The following TDRD15 variants were observed in gnomAD, a reference collection of about 807,000 sequenced individuals.
TDRD15 encodes tudor domain-containing protein 15.
For synonymous variants in TDRD15, 503 were observed against 314.5 expected (o/e 1.60, Z -6.34); for missense variants, 1,416 against 904.7 (o/e 1.57, Z -7.25).
At chr2:21,136,240 T>G (rs1190311833) in intron 3 of TDRD15, among the ~76,000 whole-genome samples, 1 of 152,006 alleles carries the variant, frequency 6.6e-6, no homozygotes, top group Non-Finnish European at 1.5e-5. Flanking sequence ...AATGAAAACA[T>G]TTAGACTTTG....
rs1200000159 is a variant in TDRD15, at chr2:21,139,274, C to A, written c.1807C>A (p.Pro603Thr). Residue 603 changes from proline to threonine, a missense_variant, in exon 4 of 4, where the codon CCT becomes ACT. Pro to Thr is a conservative substitution (Grantham distance 38, BLOSUM62 -1). Coordinates refer to ENST00000405799, the MANE Select transcript of TDRD15 (RefSeq NM_001306137.2). ...GTGCTGTTCACTTGCACATATATTT[C>A]CTGTTGAAGATTTATGGACTAAGGC... ...AMCCSLAHIF[P>T]VEDLWTKAAI... 1 of 714,096 alleles carries A rather than the reference C, an allele frequency of 1.4e-6. No individual in the cohort carries two copies. The highest frequency in any genetic ancestry group is 2.0e-5 in the Admixed American group (1 of 49,560). 44.2% of individuals were successfully genotyped at this position (714,096 alleles called of 1,614,324 possible).
At position 21,138,770 on chromosome 2, in the gene TDRD15, A is replaced by T. The variant is rs1335304996; in HGVS notation, c.1303A>T (p.Ser435Cys). The change falls in exon 4 of 4, where the codon AGT (serine) becomes TGT (cysteine). Residue 435 changes from serine to cysteine, a missense_variant. Ser to Cys is a moderately radical substitution (Grantham distance 112, BLOSUM62 -1). Transcript: ENST00000405799. ...MSDSKISNIL[S>C]ETSVSDVNSF... ...TGATTCAAAAATCTCCAATATCTTG[A>T]GTGAGACAAGTGTGTCTGATGTAAA... 5.6e-6 allele frequency: 4 copies of T among 715,340 alleles called. No homozygotes were observed. Among genetic ancestry groups the T allele is most frequent in the Non-Finnish European group, 1.0e-5 (4 of 383,942 alleles). 44.3% of individuals were successfully genotyped at this position (715,340 alleles called of 1,614,324 possible).
Position 21,139,400 on chromosome 2 carries a change from G to A in TDRD15, c.1933G>A (p.Glu645Lys). The A allele has an allele frequency of 1.4e-6, 1 of 712,044 alleles. No individual in the cohort carries two copies. 44.1% of individuals were successfully genotyped at this position (712,044 alleles called of 1,614,324 possible). The change falls in exon 4 of 4, where the codon GAA becomes AAA. Residue 645 changes from glutamate to lysine, a missense_variant. Transcript: ENST00000405799. ...GTACACTGTAAATATTCAAAGTGTT[G>A]AAGCCTCAGAAAATATTGATGTTAT... ...DKYTVNIQSV[E>K]ASENIDVISL... is the part of the protein sequence containing the mutation.
chr2:21,134,674 A>C (rs1416912362), intron 2 of TDRD15, 88 bp from the exon 3 acceptor site: 1 of 151,998 alleles, frequency 6.6e-6, no homozygotes, highest in African/African-American at 2.4e-5. Flanking sequence ...TTTTTGCAAA[A>C]AAATCTTTTG....
At chr2:21,132,335 A>G (rs1665735509) in intron 2 of TDRD15, among the ~76,000 whole-genome samples, 1 of 151,864 alleles carries the variant, frequency 6.6e-6, no homozygotes, top group Admixed American at 6.6e-5. Flanking sequence ...CTCTCTTAGC[A>G]TATTGTATCT....
rs1269665495 is a variant in TDRD15, at chr2:21,139,814, A to G, written c.2347A>G (p.Lys783Glu). The change falls in exon 4 of 4, where the codon AAA becomes GAA. Residue 783 changes from lysine (K) to glutamate (E), a missense_variant. Coordinates refer to ENST00000405799, the MANE Select transcript of TDRD15 (RefSeq NM_001306137.2). ...CQLQCKSEDLKLLMEQIQNYY... is the reference protein window; with the variant it reads ...CQLQCKSEDLELLMEQIQNYY... ...GCTCCAATGTAAGTCAGAAGACCTA[A>G]AATTACTAATGGAGCAAATTCAGAA... is the stretch of plus-strand genomic sequence containing the variant. 4 of 715,370 alleles carry G rather than the reference A, an allele frequency of 5.6e-6. No individual in the cohort carries two copies. The highest frequency in any genetic ancestry group is 1.7e-5 in the African/African-American group (1 of 57,152). 44.3% of individuals were successfully genotyped at this position (715,370 alleles called of 1,614,324 possible). A position where few individuals can be genotyped will look rare whatever the true frequency, so the allele number is the denominator to read the frequency against.
rs947568474 is a variant in TDRD15, at chr2:21,143,189, G to A, written c.5722G>A (p.Ala1908Thr). The A allele has an allele frequency of 7.2e-6, 5 of 697,314 alleles. No homozygotes were observed. Among genetic ancestry groups the A allele is most frequent in the South Asian group, 4.8e-5 (3 of 63,058 alleles). 43.2% of individuals were successfully genotyped at this position (697,314 alleles called of 1,614,324 possible). Reference sequence around the variant, plus strand: ...AAACAATTTGGCAGATATATTAGTTGCATCTGGTCTCGCAACTTATTCTAA... The same window carrying A: ...AAACAATTTGGCAGATATATTAGTTACATCTGGTCTCGCAACTTATTCTAA... ...EKNNLADILV[A>T]SGLATYSKDS... The change falls in exon 4 of 4, where the codon GCA becomes ACA. Residue 1908 changes from alanine to threonine, a missense_variant. Ala to Thr is a moderately conservative substitution (Grantham distance 58, BLOSUM62 0). Transcript: ENST00000405799.
rs1487251106 is a variant in TDRD15 at position 21,141,747 on chromosome 2, T to C, written c.4280T>C (p.Val1427Ala). ...GATGAAATATGGGATGACAAAACTG[T>C]GGATTATTTTACTTCGAAAGTACAT... Reference protein sequence around the residue: ...EPDEIWDDKTVDYFTSKVHNK... With the variant: ...EPDEIWDDKTADYFTSKVHNK... Residue 1427 changes from valine (V) to alanine (A), a missense_variant, in exon 4 of 4, where the codon GTG (valine) becomes GCG (alanine). Physicochemically the swap from Val to Ala is moderately conservative, Grantham distance 64. Transcript: ENST00000405799. The C allele has an allele frequency of 2.8e-6, 2 of 715,296 alleles. No homozygotes were observed. Among genetic ancestry groups the C allele is most frequent in the Non-Finnish European group, 5.2e-6 (2 of 383,586 alleles). The allele number at this position is 715,296 out of a possible 1,614,324, so 44.3% of individuals were successfully genotyped here. A position where few individuals can be genotyped will look rare whatever the true frequency, so the allele number is the denominator to read the frequency against.
chr2:21,146,555 T>C (rs1386054459), downstream of TDRD15, among the ~76,000 whole-genome samples: 1 of 152,026 alleles, frequency 6.6e-6, no homozygotes, highest in Non-Finnish European at 1.5e-5. Context: ...AGTCCTTGTA[T>C]AGATTATGAG....
rs1665872784 is a variant in TDRD15 at position 21,139,266 on chromosome 2, A to G, written c.1799A>G (p.His600Arg). 2 of 714,392 alleles carry G rather than the reference A, an allele frequency of 2.8e-6. No individual in the cohort carries two copies. The highest frequency in any genetic ancestry group is 1.7e-5 in the African/African-American group (1 of 57,208). The allele number at this position is 714,392 out of a possible 1,614,324, so 44.3% of individuals were successfully genotyped here. A position where few individuals can be genotyped will look rare whatever the true frequency, so the allele number is the denominator to read the frequency against. The change falls in exon 4 of 4, where the codon CAT becomes CGT. Residue 600 changes from histidine (H) to arginine (R), a missense_variant. Physicochemically the swap from His to Arg is conservative, Grantham distance 29. Coordinates refer to ENST00000405799, the MANE Select transcript of TDRD15 (RefSeq NM_001306137.2). Reference sequence around the variant, plus strand: ...TTAGCGATGTGCTGTTCACTTGCACATATATTTCCTGTTGAAGATTTATGG... The same window carrying G: ...TTAGCGATGTGCTGTTCACTTGCACGTATATTTCCTGTTGAAGATTTATGG... ...PALAMCCSLA[H>R]IFPVEDLWTK...
At position 21,139,508 on chromosome 2, in the gene TDRD15, A is replaced by G. The variant is rs1468318966; in HGVS notation, c.2041A>G (p.Met681Val). The G allele has an allele frequency of 1.7e-5, 12 of 701,700 alleles. No homozygotes were observed. Among genetic ancestry groups the G allele is most frequent in the South Asian group, 1.6e-4 (10 of 63,826 alleles). 43.5% of individuals were successfully genotyped at this position (701,700 alleles called of 1,614,324 possible). A position where few individuals can be genotyped will look rare whatever the true frequency, so the allele number is the denominator to read the frequency against. ...TCCAAAATCTGTAAGTGAATATTCAATGCTAAATTCAGAATCTAAAAACAA... is the reference window on the plus strand; with the variant it reads ...TCCAAAATCTGTAAGTGAATATTCAGTGCTAAATTCAGAATCTAAAAACAA... ...YFPKSVSEYS[M>V]LNSESKNKVN... The change falls in exon 4 of 4, where the codon ATG (methionine) becomes GTG (valine). Residue 681 changes from methionine (M) to valine (V), a missense_variant. Physicochemically the swap from Met to Val is conservative, Grantham distance 21. Transcript: ENST00000405799.
rs77354598 is a variant in TDRD15 at position 21,138,172 on chromosome 2, A to G, written c.705A>G (p.Pro235=). The G allele has an allele frequency of 2.3e-3, 1,677 of 716,764 alleles. 22 individuals are homozygous for G. The African/African-American group carries it at 0.024, about 10-fold the overall frequency. 44.4% of individuals were successfully genotyped at this position (716,764 alleles called of 1,614,324 possible). A position where few individuals can be genotyped will look rare whatever the true frequency, so the allele number is the denominator to read the frequency against. The change falls in exon 4 of 4, where the codon CCA becomes CCG. Residue 235 remains proline (P), a synonymous_variant. Transcript: ENST00000405799. ...AGCATGTTCTGGATAAGTTGCAGCCATCTTTGTCAGTAGGAAGTACTGAAA... is the reference window on the plus strand; with the variant it reads ...AGCATGTTCTGGATAAGTTGCAGCCGTCTTTGTCAGTAGGAAGTACTGAAA... ...DIQHVLDKLQ[P]SLSVGSTESV... is the part of the protein sequence containing the mutation.
In TDRD15 at chr2:21,142,108, CAAAAATAAA is replaced by C; in HGVS notation, c.4646_4654del (p.Asn1549_Lys1551del). ...GTGGAAGATTTTATGTGAAGTTATC[CAAAAATAAA>C]AAAATTTTATCAGATTTAATAGTAT... is the stretch of plus-strand genomic sequence containing the variant. On this transcript the variant is annotated inframe_deletion, in exon 4 of 4. Coordinates refer to ENST00000405799, the MANE Select transcript of TDRD15 (RefSeq NM_001306137.2). 1 of 677,522 alleles carries C rather than the reference CAAAAATAAA, an allele frequency of 1.5e-6. No homozygotes were observed. The highest frequency in any genetic ancestry group is 2.7e-6 in the Non-Finnish European group (1 of 374,226). 42.0% of individuals were successfully genotyped at this position (677,522 alleles called of 1,614,324 possible). A position where few individuals can be genotyped will look rare whatever the true frequency, so the allele number is the denominator to read the frequency against.
chr2:21,134,266 G>T (rs2103440193), intron 2 of TDRD15, among the ~76,000 whole-genome samples: 1 of 151,854 alleles, frequency 6.6e-6, no homozygotes, highest in Non-Finnish European at 1.5e-5. Context: ...TTTAATTCAG[G>T]TGTTTGGGAA....
Position 21,140,776 on chromosome 2 carries a change from G to A in TDRD15, c.3309G>A (p.Leu1103=). The stretch of plus-strand genomic sequence containing the variant: ...GTAGTTGGTTTAAAGACAATTTCTT[G>A]GGAAGATCATTAAAGGCGATAATAT... ...EISSWFKDNF[L]GRSLKAIILS... The change falls in exon 4 of 4, where the codon TTG becomes TTA. Residue 1103 remains leucine, a synonymous_variant. Coordinates refer to ENST00000405799, the MANE Select transcript of TDRD15 (RefSeq NM_001306137.2). The A allele has an allele frequency of 1.4e-6, 1 of 715,086 alleles. No homozygotes were observed. Among genetic ancestry groups the A allele is most frequent in the South Asian group, 1.5e-5 (1 of 67,400 alleles). 44.3% of individuals were successfully genotyped at this position (715,086 alleles called of 1,614,324 possible). A position where few individuals can be genotyped will look rare whatever the true frequency, so the allele number is the denominator to read the frequency against.
downstream of TDRD15, among the ~76,000 whole-genome samples, chr2:21,146,394 A>T (rs545040552): frequency 6.6e-6 from 1 of 152,208 alleles, no homozygotes; most frequent in South Asian, 2.1e-4. Flanking sequence ...GCCTATTTTA[A>T]CATCAGTGTT....
intron 3 of TDRD15, among the ~76,000 whole-genome samples, chr2:21,135,168 TATA>T (rs926355435): frequency 1.4e-5 from 2 of 146,348 alleles, no homozygotes; most frequent in African/African-American, 5.0e-5. Flanking sequence ...ATATATAAGA[TATA>T]ATAAAAAGAT....
downstream of TDRD15, among the ~76,000 whole-genome samples, chr2:21,145,370 T>G (rs552959100): frequency 6.6e-6 from 1 of 152,086 alleles, no homozygotes; most frequent in East Asian, 1.9e-4. Flanking sequence ...AACCATACAT[T>G]TTGGCTCTTA....
chr2:21,137,422 G>A lies in TDRD15; in HGVS notation c.-3-43G>A, dbSNP rs566568286. ...TATGCCAAACATAAGGCTAATTGCA[G>A]TTAACTTTGATAGCTAATGAGTAAT... On this transcript the variant is annotated intron_variant, in intron 3 of 3. Transcript: ENST00000405799. The A allele has an allele frequency of 5.5e-5, 32 of 579,292 alleles. No individual in the cohort carries two copies. In the Admixed American group the frequency reaches 8.0e-4, roughly 14 times the overall value. The allele number at this position is 579,292 out of a possible 1,614,324, so 35.9% of individuals were successfully genotyped here.
Sources: allele counts gnomAD v4.1 joint callset (sites outside exome capture counted in the v4.1 genomes callset), GRCh38; gene constraint gnomAD v4.1.1; transcripts MANE v1.5; gene names NCBI Gene and HGNC (gene_info 2026-07-23, HGNC 2026-07-21).